The following GAA variants were observed in gnomAD, a reference collection of about 807,000 sequenced individuals.
GAA encodes alpha glucosidase.
A neutral mutation model predicts 103.9 loss-of-function variants in GAA; 88 were observed. The observed-to-expected ratio is 0.85, with a 90% CI of 0.71 to 1.01. The LOEUF (loss-of-function observed/expected upper bound fraction) is 1.01. Among genes scored for constraint, GAA ranks in the 50% least tolerant of loss-of-function variants. The pLI, the probability that GAA is intolerant of heterozygous loss-of-function variation, is 0.00. For synonymous variants in GAA, 572 were observed against 563.1 expected (o/e 1.02, Z -0.22); for missense variants, 1,350 against 1,305.3 (o/e 1.03, Z -0.53).
At chr17:80,107,480 G>C (rs952374058) in intron 3 of GAA, 77 bp from the exon 4 acceptor site, 19 of 1,585,316 alleles carry the variant, frequency 1.2e-5, no homozygotes, top group Non-Finnish European at 1.5e-5. Context: ...ACCAGGGCCC[G>C]GGGGTGCTCT....
In GAA at chr17:80,113,463, A is replaced by G. The variant is rs1238198716; in HGVS notation, c.2189+97A>G. 6 of 1,183,298 alleles carry G rather than the reference A, an allele frequency of 5.1e-6. No individual in the cohort carries two copies. In the Admixed American group the frequency reaches 1.4e-4, roughly 28 times the overall value. The allele number at this position is 1,183,298 out of a possible 1,614,324, so 73.3% of individuals were successfully genotyped here. A position where few individuals can be genotyped will look rare whatever the true frequency, so the allele number is the denominator to read the frequency against. ...TGTCCTGCTGTGGGCTGTGTTCCCC[A>G]GGACCCAGCAGGTTGCCGCTGAGTG... On this transcript the variant is annotated intron_variant, in intron 15 of 19. Transcript: ENST00000302262.
chr17:80,115,290 G>C (rs1350243196), intron 15 of GAA, among the ~76,000 whole-genome samples: 1 of 152,116 alleles, frequency 6.6e-6, no homozygotes, highest in Non-Finnish European at 1.5e-5. Flanking sequence ...TCTTCAGACT[G>C]CTTAGTCTGA....
rs1292205135 is a variant in GAA, at chr17:80,104,968, T to G, written c.382T>G (p.Phe128Val). 6.2e-7 allele frequency: 1 copy of G among 1,612,686 alleles called. No homozygotes were observed. Among genetic ancestry groups the G allele is most frequent in the African/African-American group, 1.3e-5 (1 of 75,056 alleles). The change falls in exon 2 of 20, where the codon TTC becomes GTC. Residue 128 changes from phenylalanine (F) to valine (V), a missense_variant. Coordinates refer to ENST00000302262, the MANE Select transcript of GAA (RefSeq NM_000152.5). The surrounding 1 kb of genome is among the most constrained non-coding windows in gnomAD (Gnocchi z 4.0). The stretch of plus-strand genomic sequence containing the variant: ...AGCCCAGATGGGGCAGCCCTGGTGC[T>G]TCTTCCCACCCAGCTACCCCAGCTA... Reference protein sequence around the residue: ...QGAQMGQPWCFFPPSYPSYKL... With the variant: ...QGAQMGQPWCVFPPSYPSYKL...
intron 3 of GAA, 128 bp from the exon 4 acceptor site, chr17:80,107,429 T>C: frequency 8.3e-7 from 1 of 1,207,540 alleles, no homozygotes; most frequent in Non-Finnish European, 1.2e-6. Flanking sequence ...CCAGGGTCAG[T>C]GTGCTGCAGG....
chr17:80,118,631 C>T, intron 18 of GAA, 22 bp from the exon 19 acceptor site: 1 of 1,610,898 alleles, frequency 6.2e-7, no homozygotes, highest in East Asian at 2.2e-5. Context: ...TCTGCCTTTT[C>T]ATCTCTCTCT....
Position 80,112,730 on chromosome 17 carries a change from G to A in GAA, c.1888+19G>A, listed in dbSNP as rs2039269131. ...GTGCCAGGTGAGCTCCTACCAGGAGGGGCTGCTCAGCAGAGTAGAGCCGGG... is the reference window on the plus strand; with the variant it reads ...GTGCCAGGTGAGCTCCTACCAGGAGAGGCTGCTCAGCAGAGTAGAGCCGGG... On this transcript the variant is annotated intron_variant, in intron 13 of 19. Coordinates refer to ENST00000302262, the MANE Select transcript of GAA (RefSeq NM_000152.5). 6.3e-7 allele frequency: 1 copy of A among 1,599,484 alleles called. No homozygotes were observed. The highest frequency in any genetic ancestry group is 8.5e-7 in the Non-Finnish European group (1 of 1,173,904).
At chr17:80,105,545 G>A (rs1295945533) in intron 2 of GAA, among the ~76,000 whole-genome samples, 2 of 152,220 alleles carry the variant, frequency 1.3e-5, no homozygotes, top group African/African-American at 2.4e-5. Flanking sequence ...CAGGTGTTCT[G>A]TATTTTACCT....
chr17:80,105,597 G>A, intron 2 of GAA, 152 bp from the exon 3 acceptor site: 1 of 888,318 alleles, frequency 1.1e-6, no homozygotes, highest in Non-Finnish European at 1.8e-6. Flanking sequence ...CTGCAGATGA[G>A]GGAGCCGAGG....
In GAA at chr17:80,112,916, G is replaced by A. The variant is rs371096565; in HGVS notation, c.1929G>A (p.Gly643=). Residue 643 remains glycine, a synonymous_variant, in exon 14 of 20, where the codon GGG becomes GGA. Transcript: ENST00000302262. ...ACCTGCTGGGGGTGCCTCTGGTCGGGGCCGACGTCTGCGGCTTCCTGGGCA... is the reference window on the plus strand; with the variant it reads ...ACCTGCTGGGGGTGCCTCTGGTCGGAGCCGACGTCTGCGGCTTCCTGGGCA... ...QFNLLGVPLV[G]ADVCGFLGNT... is the part of the protein sequence containing the mutation. 3.7e-6 allele frequency: 6 copies of A among 1,610,576 alleles called. No homozygotes were observed. The African/African-American group carries it at 5.3e-5, about 14-fold the overall frequency.
rs112517802 is a variant in GAA at position 80,112,071 on chromosome 17, C to T, written c.1725C>T (p.Tyr575=). ...CACACTACAACCTGCACAACCTCTA[C>T]GGCCTGACCGAAGCCATCGCCTCCC... is the stretch of plus-strand genomic sequence containing the variant. ...LSTHYNLHNL[Y]GLTEAIASHR... Residue 575 remains tyrosine, a synonymous_variant, in exon 12 of 20, where the codon TAC becomes TAT. Transcript: ENST00000302262. 31 of 1,613,916 alleles carry T rather than the reference C, an allele frequency of 1.9e-5. 1 individual carries two copies. In the African/African-American group the frequency reaches 2.0e-4, roughly 10 times the overall value.
At position 80,117,631 on chromosome 17, in the gene GAA, C is replaced by G; in HGVS notation, c.2363C>G (p.Pro788Arg). 1 of 1,612,814 alleles carries G rather than the reference C, an allele frequency of 6.2e-7. No homozygotes were observed. ...VPVEALGSLP[P>R]PPAAPREPAI... ...GTAGAGGCCCTTGGCAGCCTCCCAC[C>G]CCCACCTGCAGCTCCCCGTGAGCCA... The change falls in exon 17 of 20, where the codon CCC becomes CGC. Residue 788 changes from proline (P) to arginine (R), a missense_variant. By Grantham distance (103) the Pro-to-Arg change is moderately radical. Transcript: ENST00000302262.
At chr17:80,111,532 G>A (rs559513375) in intron 11 of GAA, among the ~76,000 whole-genome samples, 1 of 152,328 alleles carries the variant, frequency 6.6e-6, no homozygotes, top group South Asian at 2.1e-4. Flanking sequence ...GGTGGAGGTT[G>A]GGGCTTCTCG....
chr17:80,112,638 C>T lies in GAA; in HGVS notation c.1815C>T (p.Gly605=), dbSNP rs756507404. 4.3e-6 allele frequency: 7 copies of T among 1,612,754 alleles called. No individual in the cohort carries two copies. The African/African-American group carries it at 5.3e-5, about 12-fold the overall frequency. ...TGATCTCCCGCTCGACCTTTGCTGGCCACGGCCGATACGCCGGCCACTGGA... is the reference window on the plus strand; with the variant it reads ...TGATCTCCCGCTCGACCTTTGCTGGTCACGGCCGATACGCCGGCCACTGGA... ...PFVISRSTFA[G]HGRYAGHWTG... is the part of the protein sequence containing the mutation. Residue 605 remains glycine, a synonymous_variant, in exon 13 of 20, where the codon GGC becomes GGT. Transcript: ENST00000302262.
At chr17:80,110,594 G>T in intron 9 of GAA, 133 bp from the exon 10 acceptor site, 1 of 711,096 alleles carries the variant, frequency 1.4e-6, no homozygotes, top group Non-Finnish European at 2.4e-6. Flanking sequence ...CAGGGTGCAG[G>T]TCTCTCAGAT....
chr17:80,113,367 G>C lies in GAA; in HGVS notation c.2189+1G>C. Reference sequence around the variant, plus strand: ...CCGTGGCCCGGCCCCTCTTCCTGGAGTGAGTGACCTAGGCAGGGGCGGTGG... The same window carrying C: ...CCGTGGCCCGGCCCCTCTTCCTGGACTGAGTGACCTAGGCAGGGGCGGTGG... On this transcript the variant is annotated splice_donor_variant, in intron 15 of 19. Coordinates refer to ENST00000302262, the MANE Select transcript of GAA (RefSeq NM_000152.5). LOFTEE classifies it high-confidence loss of function. The C allele has an allele frequency of 1.3e-6, 2 of 1,573,496 alleles. No individual in the cohort carries two copies. The highest frequency in any genetic ancestry group is 1.7e-6 in the Non-Finnish European group (2 of 1,157,534).
At position 80,108,499 on chromosome 17, in the gene GAA, C is replaced by G; in HGVS notation, c.1086C>G (p.Phe362Leu). The G allele has an allele frequency of 6.2e-7, 1 of 1,613,088 alleles. No homozygotes were observed. Among genetic ancestry groups the G allele is most frequent in the Non-Finnish European group, 8.5e-7 (1 of 1,179,974 alleles). ...QQYLDVVGYPFMPPYWGLGFH... is the reference protein window; with the variant it reads ...QQYLDVVGYPLMPPYWGLGFH... ...GGCGTTGGCCTGCAGGATACCCGTT[C>G]ATGCCGCCATACTGGGGCCTGGGCT... The change falls in exon 7 of 20, where the codon TTC becomes TTG. Residue 362 changes from phenylalanine (F) to leucine (L), a missense_variant. By Grantham distance (22) the Phe-to-Leu change is conservative (BLOSUM62 0). Transcript: ENST00000302262.
rs905633601 is a variant in GAA, at chr17:80,108,308, G to A, written c.974G>A (p.Ser325Asn). 2 of 1,613,640 alleles carry A rather than the reference G, an allele frequency of 1.2e-6. No homozygotes were observed. The highest frequency in any genetic ancestry group is 1.3e-5 in the African/African-American group (1 of 75,056). The change falls in exon 6 of 20, where the codon AGC (serine) becomes AAC (asparagine). Residue 325 changes from serine (S) to asparagine (N), a missense_variant. Transcript: ENST00000302262. ...CTTCCAGATGTGGTCCTGCAGCCGA[G>A]CCCTGCCCTTAGCTGGAGGTCGACA... ...SNAMDVVLQP[S>N]PALSWRSTGG...
chr17:80,115,401 T>C (rs1447983771), intron 15 of GAA, among the ~76,000 whole-genome samples: 5 of 152,232 alleles, frequency 3.3e-5, no homozygotes, highest in African/African-American at 1.2e-4. Flanking sequence ...TCTTTTCAAC[T>C]CCAGAATTTC....
rs1204103099 is a variant in GAA, at chr17:80,105,073, G to A, written c.487G>A (p.Asp163Asn). 20 of 1,612,672 alleles carry A rather than the reference G, an allele frequency of 1.2e-5. No individual in the cohort carries two copies. Among genetic ancestry groups the A allele is most frequent in the Non-Finnish European group, 1.6e-5 (19 of 1,180,012 alleles). ...TACCACCCCCACCTTCTTCCCCAAG[G>A]ACATCCTGACCCTGCGGCTGGACGT... ...TRTTPTFFPK[D>N]ILTLRLDVMM... The change falls in exon 2 of 20, where the codon GAC becomes AAC. Residue 163 changes from aspartate to asparagine, a missense_variant. Transcript: ENST00000302262.
Sources: gnomAD v4.1 joint callset for allele counts (sites outside exome capture counted in the v4.1 genomes callset) on GRCh38, gnomAD v4.1.1 for gene constraint, Gnocchi (gnomAD v3.1) non-coding constraint, MANE v1.5 for transcripts, NCBI Gene and HGNC (gene_info 2026-07-23, HGNC 2026-07-21) for gene names.